Variants in ARMC3 observed in about 807,000 individuals in gnomAD.
ARMC3 encodes armadillo repeat containing 3.
Under a neutral mutation model 90.3 loss-of-function variants are expected in ARMC3, and 74 were observed. That is an observed-to-expected ratio of 0.82 (90% CI 0.68 to 0.99). The LOEUF (loss-of-function observed/expected upper bound fraction) is 0.99. Ranked by LOEUF, ARMC3 falls within the 50% of genes least tolerant of loss-of-function variation. The pLI, the probability that ARMC3 is intolerant of heterozygous loss-of-function variation, is 0.00. For synonymous variants in ARMC3, 334 were observed against 361.8 expected (o/e 0.92, Z 0.87); for missense variants, 958 against 1,042.8 (o/e 0.92, Z 1.12).
chr10:22,997,042 A>T lies in ARMC3; in HGVS notation c.1176-1106A>T, dbSNP rs11013227. Among the ~76,000 whole-genome samples, 900 of 152,196 alleles carry T rather than the reference A, an allele frequency of 5.9e-3. 25 individuals carry two copies. The highest frequency in any genetic ancestry group is 0.057 in the East Asian group (297 of 5,170). On this transcript the variant is annotated intron_variant, in intron 10 of 18. Coordinates refer to ENST00000298032, the MANE Select transcript of ARMC3 (RefSeq NM_173081.5). ...TTTTCTTGTCTTGACTTCTATTACT[A>T]TGATGATTTAAATGGATTTTGAAAA...
chr10:23,014,054 C>T (rs1006558054), intron 16 of ARMC3: 31 of 1,540,772 alleles, frequency 2.0e-5, no homozygotes, highest in Non-Finnish European at 4.4e-6. Context: ...ATTATTCCTT[C>T]TTTGTACTGT....
intron 3 of ARMC3, among the ~76,000 whole-genome samples, chr10:22,948,846 A>G (rs1031498147): frequency 6.6e-6 from 1 of 152,212 alleles, no homozygotes; most frequent in Non-Finnish European, 1.5e-5. Context: ...AGTTTCACAG[A>G]AGGAGAACTC....
intron 10 of ARMC3, among the ~76,000 whole-genome samples, chr10:22,993,446 T>C (rs1419195341): frequency 6.6e-6 from 1 of 152,220 alleles, no homozygotes; most frequent in Non-Finnish European, 1.5e-5. Flanking sequence ...AGAGCAGCTG[T>C]AAGTGATAAA....
intron 7 of ARMC3, among the ~76,000 whole-genome samples, chr10:22,967,949 A>T (rs1835510475): frequency 6.6e-6 from 1 of 152,232 alleles, no homozygotes. Flanking sequence ...TTTAAAGTAT[A>T]TATTTTCATC....
chr10:23,032,043 G>C (rs192791812), intron 17 of ARMC3, among the ~76,000 whole-genome samples: 3 of 152,300 alleles, frequency 2.0e-5, no homozygotes, highest in Middle Eastern at 3.4e-3. Context: ...ATTGAAGCCA[G>C]GAGTTTGAGA....
chr10:23,037,451 G>T lies in ARMC3; in HGVS notation c.2591G>T (p.Arg864Leu), dbSNP rs751529638. Residue 864 changes from arginine (R) to leucine (L), a missense_variant, in exon 19 of 19, where the codon CGA becomes CTA. By Grantham distance (102) the Arg-to-Leu change is moderately radical (BLOSUM62 -2). Coordinates refer to ENST00000298032, the MANE Select transcript of ARMC3 (RefSeq NM_173081.5). ...GGTGGACTGATGAAGTTGAGAAGTC[G>T]AGAGGCTGATCTTTACAGATTCATT... is the stretch of plus-strand genomic sequence containing the variant. ...HPGGLMKLRS[R>L]EADLYRFI The T allele has an allele frequency of 1.9e-6, 3 of 1,613,954 alleles. No individual in the cohort carries two copies. The highest frequency in any genetic ancestry group is 2.5e-6 in the Non-Finnish European group (3 of 1,179,894).
intron 16 of ARMC3, among the ~76,000 whole-genome samples, chr10:23,029,652 C>T (rs2131561976): frequency 6.6e-6 from 1 of 152,230 alleles, no homozygotes; most frequent in South Asian, 2.1e-4. Flanking sequence ...AAACTGTAAC[C>T]TTTGAGAGTA....
intron 16 of ARMC3, chr10:23,014,434 A>C (rs1838173352): frequency 1.8e-6 from 2 of 1,100,232 alleles, no homozygotes; most frequent in East Asian, 1.0e-4. Context: ...TATGACTATT[A>C]AAACTTTGGA....
intron 2 of ARMC3, 58 bp downstream of exon 2, chr10:22,932,102 G>A: frequency 1.3e-6 from 2 of 1,483,432 alleles, no homozygotes; most frequent in Non-Finnish European, 1.8e-6. Flanking sequence ...AAAATAAATT[G>A]TTCACACAGT....
intron 16 of ARMC3, among the ~76,000 whole-genome samples, chr10:23,018,987 C>T (rs1290910833): frequency 6.6e-6 from 1 of 152,198 alleles, no homozygotes; most frequent in Non-Finnish European, 1.5e-5. Context: ...TGGCTGTGGA[C>T]ATCCTCCCCA....
intron 8 of ARMC3, among the ~76,000 whole-genome samples, chr10:22,980,352 T>G (rs1479702521): frequency 6.6e-6 from 1 of 152,152 alleles, no homozygotes; most frequent in Admixed American, 6.5e-5. Flanking sequence ...GACAATTTTT[T>G]GAAGGAACCA....
chr10:22,963,814 C>T (rs1221066311), intron 7 of ARMC3, among the ~76,000 whole-genome samples: 6 of 145,998 alleles, frequency 4.1e-5, no homozygotes, highest in African/African-American at 7.5e-5. Flanking sequence ...CACTTGAACC[C>T]GTGAGTCGGA....
At chr10:23,002,203 T>C in intron 12 of ARMC3, 148 bp downstream of exon 12, 2 of 1,227,498 alleles carry the variant, frequency 1.6e-6, no homozygotes, top group Non-Finnish European at 2.2e-6. Context: ...GGGCCTTGGC[T>C]TGGAAGGAAC....
Position 22,961,986 on chromosome 10 carries a change from A to G in ARMC3, c.640A>G (p.Thr214Ala), listed in dbSNP as rs769245936. Residue 214 changes from threonine (T) to alanine (A), a missense_variant, in exon 7 of 19, where the codon ACC (threonine) becomes GCC (alanine). Physicochemically the swap from Thr to Ala is moderately conservative, Grantham distance 58. Transcript: ENST00000298032. ...AGTGATTCAGTTGTTGGCTCTCAAA[A>G]CCTTAGGTGTTATTGCAAATGATAA... Reference protein sequence around the residue: ...YPVIQLLALKTLGVIANDKES... With the variant: ...YPVIQLLALKALGVIANDKES... 1.2e-6 allele frequency: 2 copies of G among 1,612,726 alleles called. No individual in the cohort carries two copies. Among genetic ancestry groups the G allele is most frequent in the Non-Finnish European group, 1.7e-6 (2 of 1,179,252 alleles).
chr10:22,967,960 A>C (rs1296950441), intron 7 of ARMC3, among the ~76,000 whole-genome samples: 1 of 152,216 alleles, frequency 6.6e-6, no homozygotes, highest in Non-Finnish European at 1.5e-5. Flanking sequence ...TATTTTCATC[A>C]GCTTCTGTCT....
At chr10:23,031,010 T>C (rs967399383) in intron 17 of ARMC3, 48 of 488,464 alleles carry the variant, frequency 9.8e-5, no homozygotes, top group Admixed American at 6.2e-4. Context: ...GGAAATTGCT[T>C]CAAGAAAAAT....
At chr10:22,980,925 T>C (rs1366379836) in intron 8 of ARMC3, among the ~76,000 whole-genome samples, 4 of 152,312 alleles carry the variant, frequency 2.6e-5, no homozygotes, top group South Asian at 4.1e-4. Flanking sequence ...GCTCACCAGT[T>C]TGCACATCTT....
intron 10 of ARMC3, among the ~76,000 whole-genome samples, chr10:22,985,650 T>C (rs1836385508): frequency 6.6e-6 from 1 of 152,176 alleles, no homozygotes; most frequent in Non-Finnish European, 1.5e-5. Context: ...ATAATTCTCG[T>C]GTATGTTGTG....
intron 2 of ARMC3, among the ~76,000 whole-genome samples, chr10:22,934,846 A>G (rs1834054068): frequency 6.6e-6 from 1 of 152,198 alleles, no homozygotes; most frequent in South Asian, 2.1e-4. Flanking sequence ...GCTGTTCATC[A>G]TTCTACAGAA....
Sources: allele counts gnomAD v4.1 joint callset (sites outside exome capture counted in the v4.1 genomes callset), GRCh38; gene constraint gnomAD v4.1.1; transcripts MANE v1.5; gene names NCBI Gene and HGNC (gene_info 2026-07-23, HGNC 2026-07-21).